COL10A1: variants seen among roughly 807,000 people sequenced by gnomAD.
COL10A1 encodes the protein collagen alpha-1(X) chain.
A neutral mutation model predicts 18.2 loss-of-function variants in COL10A1; 10 were observed. That is an observed-to-expected ratio of 0.55 (90% CI 0.34 to 0.93). COL10A1 has a LOEUF of 0.93. COL10A1 is among the 40% of genes least tolerant of loss of function. COL10A1 has a pLI of 0.02. For missense variants in COL10A1, 897 were observed against 853.5 expected, an observed-to-expected ratio of 1.05 and a Z score of -0.64; for synonymous variants, 330 against 316.6, an observed-to-expected ratio of 1.04 and a Z score of -0.45.
At chr6:116,137,133 C>A in intron 1 of COL10A1, 1 of 208,610 alleles carries the variant, frequency 4.8e-6, no homozygotes. Context: ...GGTGGGGTCT[C>A]CTTTTCTGCA....
chr6:116,181,602 T>C, the COL10A1 span, among the ~76,000 whole-genome samples: 4 of 152,078 alleles, frequency 2.6e-5, no homozygotes, highest in Non-Finnish European at 5.9e-5. Flanking sequence ...TTGTCACCAC[T>C]TTTTTTCATT....
At chr6:116,196,064 TTGACATTCTGTTATCCC>T in the COL10A1 span, among the ~76,000 whole-genome samples, 29 of 152,028 alleles carry the variant, frequency 1.9e-4, no homozygotes, top group African/African-American at 5.3e-4. Flanking sequence ...GGGGCTAAAC[TTGACATTCTGTTATCCC>T]TGACATTCTG....
chr6:116,125,894 G>C (rs992646762), intron 1 of COL10A1, 159 bp downstream of exon 1: 1 of 165,458 alleles, frequency 6.0e-6, no homozygotes, highest in African/African-American at 2.4e-5. Context: ...ATCATCCACA[G>C]ACTGATGCAA....
chr6:116,166,975 C>T, the COL10A1 span, among the ~76,000 whole-genome samples: 2 of 151,968 alleles, frequency 1.3e-5, no homozygotes, highest in Non-Finnish European at 2.9e-5. Context: ...TTTTGGGGAG[C>T]CTACTCTGTA....
chr6:116,146,546 CA>C (rs1358559094), intron 1 of COL10A1, among the ~76,000 whole-genome samples: 19 of 152,112 alleles, frequency 1.2e-4, no homozygotes, highest in East Asian at 7.7e-4. Context: ...AAGTATGTGC[CA>C]GGGGGAAGAG....
At chr6:116,160,531 A>G (rs1780301853), upstream of COL10A1, among the ~76,000 whole-genome samples, 1 of 152,086 alleles carries the variant, frequency 6.6e-6, no homozygotes, top group Non-Finnish European at 1.5e-5. Context: ...TCCTTCTGTC[A>G]GATGCATAGT....
rs1319153371 is a variant in COL10A1 at position 116,125,525 on chromosome 6, ATAACTT to A, written c.-15-24_-15-19del. On this transcript the variant is annotated intron_variant, in intron 1 of 2. Coordinates refer to ENST00000651968, the MANE Select transcript of COL10A1 (RefSeq NM_000493.4). ...GATGGATTCTGAAAAACAGAAAAGA[ATAACTT>A]TATACAGCATTGTTATTAACCTATT... 6.2e-7 allele frequency: 1 copy of A among 1,609,934 alleles called. No homozygotes were observed. The highest frequency in any genetic ancestry group is 8.5e-7 in the Non-Finnish European group (1 of 1,176,866).
chr6:116,162,321 G>A (rs971479949), upstream of COL10A1, among the ~76,000 whole-genome samples: 6 of 152,298 alleles, frequency 3.9e-5, no homozygotes, highest in East Asian at 9.7e-4. Flanking sequence ...ATGTTGAATA[G>A]GAGTGGTGAA....
the COL10A1 span, among the ~76,000 whole-genome samples, chr6:116,174,442 A>T: frequency 5.7e-3 from 866 of 152,346 alleles, 17 homozygotes; most frequent in South Asian, 0.046. Context: ...GATATGCATG[A>T]TTAATGAAAT....
chr6:116,202,701 G>A, the COL10A1 span, among the ~76,000 whole-genome samples: 2 of 151,982 alleles, frequency 1.3e-5, no homozygotes, highest in Non-Finnish European at 2.9e-5. Flanking sequence ...GTCTAGGAAA[G>A]GGGGAACTGC....
upstream of COL10A1, among the ~76,000 whole-genome samples, chr6:116,160,314 TGGTATGAGATGGCATCTCA>T (rs1780297930): frequency 6.6e-6 from 1 of 152,192 alleles, no homozygotes; most frequent in Non-Finnish European, 1.5e-5. Flanking sequence ...CTATTCTGAC[TGGTATGAGATGGCATCTCA>T]CTGTGGTTTT....
At chr6:116,159,161 G>C (rs1324531684), upstream of COL10A1, among the ~76,000 whole-genome samples, 4 of 151,992 alleles carry the variant, frequency 2.6e-5, no homozygotes, top group African/African-American at 9.6e-5. Context: ...TCAATGTTTT[G>C]TTTTTGGTTT....
At chr6:116,204,072 G>A in the COL10A1 span, among the ~76,000 whole-genome samples, 2 of 151,868 alleles carry the variant, frequency 1.3e-5, no homozygotes, top group African/African-American at 2.4e-5. Context: ...ACTTTGGGCA[G>A]TATAATTTGG....
the COL10A1 span, among the ~76,000 whole-genome samples, chr6:116,174,805 G>T: frequency 6.6e-6 from 1 of 152,024 alleles, no homozygotes; most frequent in Non-Finnish European, 1.5e-5. Flanking sequence ...CAATCCACTG[G>T]TACCATAAAG....
the COL10A1 span, among the ~76,000 whole-genome samples, chr6:116,183,728 A>G: frequency 2.0e-5 from 3 of 151,734 alleles, no homozygotes; most frequent in African/African-American, 7.3e-5. Flanking sequence ...TAGCAGGGCT[A>G]CTCATTTTTG....
chr6:116,120,607 C>T lies in COL10A1; in HGVS notation c.1509G>A (p.Glu503=). 1 of 1,575,988 alleles carries T rather than the reference C, an allele frequency of 6.3e-7. No homozygotes were observed. Among genetic ancestry groups the T allele is most frequent in the Non-Finnish European group, 8.6e-7 (1 of 1,165,732 alleles). ...GPPGPRGHSG[E]PGLPGPPGPP... is the part of the protein sequence containing the mutation. ...GCCCAGGGGGCCCTGGAAGACCAGGCTCTCCAGAGTGGCCTCTTGGACCTG... is the reference window on the plus strand; with the variant it reads ...GCCCAGGGGGCCCTGGAAGACCAGGTTCTCCAGAGTGGCCTCTTGGACCTG... Residue 503 remains glutamate (E), a synonymous_variant, in exon 3 of 3, where the codon GAG becomes GAA. Coordinates refer to ENST00000651968, the MANE Select transcript of COL10A1 (RefSeq NM_000493.4).
upstream of COL10A1, among the ~76,000 whole-genome samples, chr6:116,130,133 G>A (rs1165986270): frequency 1.3e-5 from 2 of 151,988 alleles, no homozygotes; most frequent in Admixed American, 1.3e-4. Flanking sequence ...TATTAGCTAG[G>A]ATATTCTCTA....
the COL10A1 span, among the ~76,000 whole-genome samples, chr6:116,191,695 G>A: frequency 6.6e-6 from 1 of 151,940 alleles, no homozygotes; most frequent in Admixed American, 6.6e-5. Context: ...CAATAACATT[G>A]TCTTTTTTGT....
chr6:116,156,822 T>A (rs1046446573), intron 1 of COL10A1, among the ~76,000 whole-genome samples: 2 of 152,002 alleles, frequency 1.3e-5, no homozygotes, highest in African/African-American at 4.8e-5. Flanking sequence ...AATTTTGTGC[T>A]TCACGTCCTC....
Sources: gnomAD v4.1 joint callset for allele counts (sites outside exome capture counted in the v4.1 genomes callset) on GRCh38, gnomAD v4.1.1 for gene constraint, MANE v1.5 for transcripts, NCBI Gene and HGNC (gene_info 2026-07-23, HGNC 2026-07-21) for gene names.